The following CNTN3 variants were observed in gnomAD, a reference collection of about 807,000 sequenced individuals.
The protein encoded by CNTN3 is contactin 3, also known as contactin-3.
Under a neutral mutation model 119.1 loss-of-function variants are expected in CNTN3, and 60 were observed. That is an observed-to-expected ratio of 0.50 (90% CI 0.41 to 0.62). The LOEUF (loss-of-function observed/expected upper bound fraction) is 0.62, where lower values mean the gene tolerates loss of function less well. CNTN3 is among the 20% of genes least tolerant of loss of function. CNTN3 has a pLI of 0.00. For missense variants in CNTN3, 1,101 were observed against 1,242.4 expected (o/e 0.89, Z 1.71); for synonymous variants, 450 against 438.7 (o/e 1.03, Z -0.32).
chr3:74,319,496 A>G (rs1444223221), intron 13 of CNTN3, among the ~76,000 whole-genome samples: 1 of 152,110 alleles, frequency 6.6e-6, no homozygotes, highest in Admixed American at 6.6e-5. Flanking sequence ...CCTTCCTTAC[A>G]CCTTATACAA....
intron 13 of CNTN3, among the ~76,000 whole-genome samples, chr3:74,323,826 T>C (rs1703059049): frequency 1.3e-5 from 2 of 152,302 alleles, no homozygotes; most frequent in South Asian, 2.1e-4. Flanking sequence ...GCCAAAATTA[T>C]AAACTGCAGC....
At chr3:74,391,677 C>A (rs569991946) in intron 5 of CNTN3, among the ~76,000 whole-genome samples, 3 of 149,864 alleles carry the variant, frequency 2.0e-5, no homozygotes, top group South Asian at 4.3e-4. Context: ...AGTGATTCTC[C>A]TGTCTCAGCC....
intron 1 of CNTN3, among the ~76,000 whole-genome samples, chr3:74,579,366 A>C: frequency 6.8e-6 from 1 of 146,550 alleles, no homozygotes; most frequent in East Asian, 2.0e-4. Flanking sequence ...ACCCCCCTCA[A>C]AAAAAAAAAA....
Position 74,313,690 on chromosome 3 carries a change from T to C in CNTN3, c.1669-10883A>G, listed in dbSNP as rs9310291. 4.0e-3 allele frequency among the ~76,000 whole-genome samples: 616 copies of C among 152,270 alleles called. 5 individuals carry two copies. The highest frequency in any genetic ancestry group is 0.014 in the African/African-American group (593 of 41,580). ...CATTTTGAGGTTACGGAAAGAATGA[T>C]GGCTTAGTAAAACAGGTTATGGAAG... On this transcript the variant is annotated intron_variant, in intron 13 of 22. Transcript: ENST00000263665.
intron 4 of CNTN3, among the ~76,000 whole-genome samples, chr3:74,469,915 C>T (rs1474911218): frequency 6.6e-6 from 1 of 152,100 alleles, no homozygotes; most frequent in Admixed American, 6.5e-5. Context: ...ATGCTTACAG[C>T]AGCATTATTT....
intron 1 of CNTN3, among the ~76,000 whole-genome samples, chr3:74,600,814 A>T (rs769556335): frequency 6.6e-6 from 1 of 152,050 alleles, no homozygotes; most frequent in Non-Finnish European, 1.5e-5. Flanking sequence ...ATGCCAGGCC[A>T]GATTTTTTCA....
chr3:74,399,920 A>T (rs1476086939), intron 5 of CNTN3, among the ~76,000 whole-genome samples: 3 of 152,128 alleles, frequency 2.0e-5, no homozygotes, highest in African/African-American at 7.2e-5. Context: ...CGCTTCCTAG[A>T]CTATGAGCAA....
chr3:74,384,513 C>G (rs1239121786), intron 5 of CNTN3, among the ~76,000 whole-genome samples: 2 of 152,218 alleles, frequency 1.3e-5, no homozygotes, highest in South Asian at 4.1e-4. Context: ...CATTGATTCT[C>G]TTTCAAATGG....
intron 2 of CNTN3, among the ~76,000 whole-genome samples, chr3:74,518,382 A>C (rs142270398): frequency 2.0e-5 from 3 of 152,082 alleles, no homozygotes; most frequent in African/African-American, 7.2e-5. Context: ...TTCTGTAAAA[A>C]CATGGAGGAT....
intron 3 of CNTN3, among the ~76,000 whole-genome samples, chr3:74,491,921 T>G (rs1702972077): frequency 6.6e-6 from 1 of 152,188 alleles, no homozygotes; most frequent in Non-Finnish European, 1.5e-5. Context: ...CCAAAAGGCT[T>G]AATGCAGTGA....
intron 1 of CNTN3, among the ~76,000 whole-genome samples, chr3:74,600,438 C>T (rs1002940151): frequency 6.6e-5 from 10 of 151,958 alleles, no homozygotes; most frequent in East Asian, 1.9e-4. Flanking sequence ...TGCTTCTGGA[C>T]GTGGGAAATA....
intron 4 of CNTN3, among the ~76,000 whole-genome samples, chr3:74,467,216 A>T (rs1702477819): frequency 6.6e-6 from 1 of 152,182 alleles, no homozygotes; most frequent in Admixed American, 6.5e-5. Flanking sequence ...GATATTGGAT[A>T]TCTTTTGCAA....
chr3:74,472,047 AC>A (rs546647566), intron 4 of CNTN3, among the ~76,000 whole-genome samples: 54 of 152,282 alleles, frequency 3.5e-4, no homozygotes, highest in African/African-American at 1.3e-3. Flanking sequence ...TTATAACTCC[AC>A]AGTGAAAATC....
intron 4 of CNTN3, among the ~76,000 whole-genome samples, chr3:74,477,848 TA>T (rs1056662476): frequency 6.6e-6 from 1 of 151,708 alleles, no homozygotes; most frequent in Non-Finnish European, 1.5e-5. Flanking sequence ...ATTAAAAATT[TA>T]AAAAAATTAA....
intron 2 of CNTN3, 25 bp downstream of exon 2, chr3:74,521,033 T>C: frequency 2.0e-6 from 3 of 1,519,186 alleles, no homozygotes; most frequent in Non-Finnish European, 2.7e-6. Flanking sequence ...AACCTCAACT[T>C]AGAAAATATA....
intron 1 of CNTN3, among the ~76,000 whole-genome samples, chr3:74,530,378 T>C (rs1703676796): frequency 6.6e-6 from 1 of 151,496 alleles, no homozygotes; most frequent in Admixed American, 6.6e-5. Context: ...CACATCAGAG[T>C]TGTCCAGAGA....
intron 1 of CNTN3, among the ~76,000 whole-genome samples, chr3:74,589,850 CA>C (rs1480090220): frequency 6.7e-6 from 1 of 150,212 alleles, no homozygotes; most frequent in Non-Finnish European, 1.5e-5. Flanking sequence ...AGTAAACTAT[CA>C]CAAGGACAAA....
chr3:74,301,318 C>T, intron 16 of CNTN3, 80 bp downstream of exon 16: 2 of 1,398,922 alleles, frequency 1.4e-6, no homozygotes, highest in Non-Finnish European at 2.0e-6. Context: ...TGACCCCCTG[C>T]TGGCCTGGAG....
chr3:74,538,418 C>A (rs1703795986), intron 1 of CNTN3, among the ~76,000 whole-genome samples: 1 of 152,118 alleles, frequency 6.6e-6, no homozygotes, highest in African/African-American at 2.4e-5. Context: ...AGTTAAAATT[C>A]TCTCCCTGTG....
Sources: gnomAD v4.1 joint callset for allele counts (sites outside exome capture counted in the v4.1 genomes callset) on GRCh38, gnomAD v4.1.1 for gene constraint, MANE v1.5 for transcripts, NCBI Gene and HGNC (gene_info 2026-07-23, HGNC 2026-07-21) for gene names.